IKBKE: variants seen among roughly 807,000 people sequenced by gnomAD.
IKBKE encodes the protein inhibitor of nuclear factor kappa B kinase subunit epsilon.
In IKBKE, 45 loss-of-function variants were observed where a neutral mutation model predicts 92.1. The observed-to-expected ratio is 0.49, with a 90% confidence interval of 0.38 to 0.63. IKBKE has a LOEUF of 0.63. Ranked by LOEUF, IKBKE falls within the 20% of genes least tolerant of loss-of-function variation. The probability of loss-of-function intolerance (pLI) is 0.00; values close to 1 mark genes in which losing one functional copy is unlikely to be tolerated. For synonymous variants in IKBKE, 374 were observed against 380.3 expected, an observed-to-expected ratio of 0.98 and a Z score of 0.19; for missense variants, 700 against 932.8, an observed-to-expected ratio of 0.75 and a Z score of 3.25.
intron 2 of IKBKE, among the ~76,000 whole-genome samples, chr1:206,472,459 G>A (rs1553384044): frequency 6.6e-6 from 1 of 152,092 alleles, no homozygotes; most frequent in African/African-American, 2.4e-5. Flanking sequence ...ATGGGAAACA[G>A]AGTTGTAGGG....
At position 206,493,107 on chromosome 1, in the gene IKBKE, G is replaced by T; in HGVS notation, c.1920G>T (p.Glu640Asp). ...ACACAGAAGCCCAGGGGGTCCAGGA[G>T]AGTCTCAGCAAGGTGGGCATGGCAG... is the stretch of plus-strand genomic sequence containing the variant. ...ACNTEAQGVQ[E>D]SLSKLLEELS... Residue 640 changes from glutamate (E) to aspartate (D), a missense_variant, in exon 19 of 22, where the codon GAG (glutamate) becomes GAT (aspartate). Coordinates refer to ENST00000581977, the MANE Select transcript of IKBKE (RefSeq NM_014002.4). 6.3e-7 allele frequency: 1 copy of T among 1,592,004 alleles called. No individual in the cohort carries two copies.
At chr1:206,471,477 C>T (rs1365963746) in intron 2 of IKBKE, among the ~76,000 whole-genome samples, 2 of 152,164 alleles carry the variant, frequency 1.3e-5, no homozygotes, top group African/African-American at 4.8e-5. Context: ...AATCCAGGGG[C>T]ACACCGCTTG....
chr1:206,492,520 A>G (rs1666002998), intron 18 of IKBKE: 1 of 471,288 alleles, frequency 2.1e-6, no homozygotes, highest in Non-Finnish European at 4.4e-6. Flanking sequence ...ATGTCAGTGT[A>G]GTACAGCTTC....
rs782148269 is a variant in IKBKE at position 206,490,876 on chromosome 1, C to T, written c.1733+18C>T. 2.1e-5 allele frequency: 34 copies of T among 1,613,288 alleles called. No homozygotes were observed. The South Asian group carries it at 2.6e-4, about 13-fold the overall frequency. On this transcript the variant is annotated intron_variant, in intron 17 of 21. Transcript: ENST00000581977. This position sits in a 1 kb window ranked among gnomAD's most constrained non-coding sequence, Gnocchi z 5.2. ...CTGGATAAGTGAGTGGCCTGTCCTC[C>T]GGCAGGTGGGTGGGCAGGAGGGTGG... is the stretch of plus-strand genomic sequence containing the variant.
At position 206,490,714 on chromosome 1, in the gene IKBKE, C is replaced by A; in HGVS notation, c.1694-105C>A. 1 of 1,182,610 alleles carries A rather than the reference C, an allele frequency of 8.5e-7. No homozygotes were observed. The highest frequency in any genetic ancestry group is 1.3e-6 in the Non-Finnish European group (1 of 793,234). The allele number at this position is 1,182,610 out of a possible 1,614,324, so 73.3% of individuals were successfully genotyped here. On this transcript the variant is annotated intron_variant, in intron 16 of 21. Coordinates refer to ENST00000581977, the MANE Select transcript of IKBKE (RefSeq NM_014002.4). The surrounding 1 kb of genome is among the most constrained non-coding windows in gnomAD (Gnocchi z 5.2). Reference sequence around the variant, plus strand: ...TGGGCGGTGAGTTCCCGTGAAGCAGCACAGGCTGGGCCGTCTTCATCTTTT... The same window carrying A: ...TGGGCGGTGAGTTCCCGTGAAGCAGAACAGGCTGGGCCGTCTTCATCTTTT...
chr1:206,473,062 C>G, intron 2 of IKBKE, 134 bp from the exon 3 acceptor site: 1 of 660,836 alleles, frequency 1.5e-6, no homozygotes, highest in East Asian at 2.9e-5. Context: ...ACACTTCCCC[C>G]GCTCCCTTGC....
rs1041897524 is a variant in IKBKE, at chr1:206,493,071, G to C, written c.1884G>C (p.Val628=). 1.9e-6 allele frequency: 3 copies of C among 1,590,548 alleles called. No individual in the cohort carries two copies. The African/African-American group carries it at 4.0e-5, about 21-fold the overall frequency. Residue 628 remains valine (V), a synonymous_variant, in exon 19 of 22, where the codon GTG becomes GTC. Transcript: ENST00000581977. ...RNHLRLVGCS[V]AACNTEAQGV... ...ACCTGCGCCTGGTTGGCTGTTCTGT[G>C]GCTGCCTGTAACACAGAAGCCCAGG... is the stretch of plus-strand genomic sequence containing the variant.
At chr1:206,482,166 G>A (rs775215731) in intron 13 of IKBKE, among the ~76,000 whole-genome samples, 95 of 152,184 alleles carry the variant, frequency 6.2e-4, no homozygotes, top group Non-Finnish European at 1.2e-3. Context: ...GGCCCTGTTC[G>A]GGGGAAAGGA....
chr1:206,492,293 C>A, intron 18 of IKBKE: 1 of 384,098 alleles, frequency 2.6e-6, no homozygotes. Context: ...TCAGATCAGG[C>A]CCACTCTCCA....
At chr1:206,491,045 T>C (rs1665925973) in intron 17 of IKBKE, 187 bp downstream of exon 17, 1 of 631,992 alleles carries the variant, frequency 1.6e-6, no homozygotes, top group Admixed American at 2.4e-5. Flanking sequence ...GAGGGAGACT[T>C]CTCAGATGCA....
At chr1:206,474,803 C>T (rs1320740368) in intron 4 of IKBKE, 62 bp from the exon 5 acceptor site, 4 of 1,586,106 alleles carry the variant, frequency 2.5e-6, no homozygotes, top group Non-Finnish European at 2.6e-6. Flanking sequence ...TGAGCCACTT[C>T]TTCCTGGTGG....
rs566955753 is a variant in IKBKE at position 206,478,105 on chromosome 1, A to G, written c.813-55A>G. Reference sequence around the variant, plus strand: ...TTAGAACGCTCCTATTGCCTGCTTAAGGAGGATAGGTCTGGGCCCCCACCC... The same window carrying G: ...TTAGAACGCTCCTATTGCCTGCTTAGGGAGGATAGGTCTGGGCCCCCACCC... On this transcript the variant is annotated intron_variant, in intron 8 of 21. Coordinates refer to ENST00000581977, the MANE Select transcript of IKBKE (RefSeq NM_014002.4). This position sits in a 1 kb window ranked among gnomAD's most constrained non-coding sequence, Gnocchi z 4.8. The G allele has an allele frequency of 3.3e-6, 5 of 1,500,222 alleles. No individual in the cohort carries two copies. The highest frequency in any genetic ancestry group is 2.3e-5 in the South Asian group (2 of 87,480). The allele number at this position is 1,500,222 out of a possible 1,614,324, so 92.9% of individuals were successfully genotyped here.
At chr1:206,473,703 C>T (rs1466784085) in intron 3 of IKBKE, among the ~76,000 whole-genome samples, 2 of 152,070 alleles carry the variant, frequency 1.3e-5, no homozygotes, top group Non-Finnish European at 2.9e-5. Flanking sequence ...GTGGCTTATG[C>T]CTGTAATCCC....
chr1:206,474,107 A>G (rs1539241), intron 3 of IKBKE, among the ~76,000 whole-genome samples: 126,621 of 152,056 alleles, frequency 0.83, 53,233 homozygotes, highest in African/African-American at 0.88. Context: ...TCCCCTGCAG[A>G]AGATCAGAGT....
Position 206,476,485 on chromosome 1 carries a change from C to T in IKBKE, c.540+123C>T. 8.6e-7 allele frequency: 1 copy of T among 1,169,246 alleles called. No homozygotes were observed. Among genetic ancestry groups the T allele is most frequent in the Non-Finnish European group, 1.2e-6 (1 of 811,550 alleles). The allele number at this position is 1,169,246 out of a possible 1,614,324, so 72.4% of individuals were successfully genotyped here. A position where few individuals can be genotyped will look rare whatever the true frequency, so the allele number is the denominator to read the frequency against. ...GCTTCCACAGGAGTTATGTCTCTCC[C>T]CTGTACCCCAACCAGAAGAATGCAT... On this transcript the variant is annotated intron_variant, in intron 6 of 21. Transcript: ENST00000581977. This position sits in a 1 kb window ranked among gnomAD's most constrained non-coding sequence, Gnocchi z 5.1.
In IKBKE at chr1:206,472,544, C is replaced by T. The variant is rs377319171; in HGVS notation, c.-32-652C>T. Among the ~76,000 whole-genome samples, 8 of 151,714 alleles carry T rather than the reference C, an allele frequency of 5.3e-5. No homozygotes were observed. The East Asian group carries it at 1.2e-3, about 22-fold the overall frequency. ...CCCTGCTCTCACACACACACCCACACCCTTCTCCCCAACGCCCTACACACA... is the reference window on the plus strand; with the variant it reads ...CCCTGCTCTCACACACACACCCACATCCTTCTCCCCAACGCCCTACACACA... On this transcript the variant is annotated intron_variant, in intron 2 of 21. Transcript: ENST00000581977.
chr1:206,479,307 C>T (rs190585208), intron 10 of IKBKE, among the ~76,000 whole-genome samples, 174 bp downstream of exon 10: 32 of 152,314 alleles, frequency 2.1e-4, no homozygotes, highest in Admixed American at 1.1e-3. Context: ...TGCCACATGA[C>T]GTGGGCTGGT....
At chr1:206,483,382 C>T (rs924122146) in intron 13 of IKBKE, among the ~76,000 whole-genome samples, 3 of 152,204 alleles carry the variant, frequency 2.0e-5, no homozygotes, top group Non-Finnish European at 4.4e-5. Context: ...GTCAAATTTC[C>T]CATGCCTTAA....
chr1:206,474,529 G>C (rs925003471), intron 4 of IKBKE, 58 bp downstream of exon 4: 1 of 1,480,328 alleles, frequency 6.8e-7, no homozygotes, highest in South Asian at 1.2e-5. Context: ...GGTCTGGGGA[G>C]AATCAGGCCA....
Sources: allele counts gnomAD v4.1 joint callset (sites outside exome capture counted in the v4.1 genomes callset), GRCh38; gene constraint gnomAD v4.1.1; non-coding constraint Gnocchi (gnomAD v3.1); transcripts MANE v1.5; gene names NCBI Gene and HGNC (gene_info 2026-07-23, HGNC 2026-07-21).